The following SLC36A1 variants were observed in gnomAD, a reference collection of about 807,000 sequenced individuals.
The protein encoded by SLC36A1 is solute carrier family 36 member 1, also known as proton-coupled amino acid transporter 1.
SLC36A1 carries 30 observed loss-of-function variants against 47.5 expected under a neutral mutation model. The observed-to-expected ratio is 0.63, with a 90% CI of 0.47 to 0.86. The LOEUF (loss-of-function observed/expected upper bound fraction) is 0.86, where lower values mean the gene tolerates loss of function less well. Ranked by LOEUF, SLC36A1 falls within the 40% of genes least tolerant of loss-of-function variation. SLC36A1 has a pLI of 0.00. For missense variants in SLC36A1, 517 were observed against 606.0 expected, an observed-to-expected ratio of 0.85 and a Z score of 1.54; for synonymous variants, 255 against 249.7, an observed-to-expected ratio of 1.02 and a Z score of -0.20.
the SLC36A1 span, among the ~76,000 whole-genome samples, chr5:151,404,224 A>C: frequency 1.3e-5 from 2 of 152,168 alleles, no homozygotes; most frequent in Non-Finnish European, 2.9e-5. Flanking sequence ...ATCTGATATT[A>C]GAACAGTGAT....
At chr5:151,386,393 T>C in the SLC36A1 span, among the ~76,000 whole-genome samples, 3 of 152,194 alleles carry the variant, frequency 2.0e-5, no homozygotes, top group African/African-American at 7.2e-5. Context: ...ACTTTTAGTA[T>C]TTGAAGATAA....
the SLC36A1 span, among the ~76,000 whole-genome samples, chr5:151,498,282 C>T: frequency 6.6e-6 from 1 of 152,190 alleles, no homozygotes; most frequent in East Asian, 1.9e-4. Flanking sequence ...GGCCATGGAA[C>T]AAAGGAAAGT....
chr5:151,401,561 A>T, the SLC36A1 span, among the ~76,000 whole-genome samples: 10 of 152,158 alleles, frequency 6.6e-5, no homozygotes, highest in Admixed American at 2.0e-4. Flanking sequence ...ATTCTGTGAA[A>T]AATAAAATTT....
the SLC36A1 span, among the ~76,000 whole-genome samples, chr5:151,361,849 C>T: frequency 6.6e-6 from 1 of 152,062 alleles, no homozygotes; most frequent in African/African-American, 2.4e-5. Flanking sequence ...AAGTAGTATT[C>T]TTGGATGACA....
At chr5:151,545,374 A>G in the SLC36A1 span, 2 of 1,614,148 alleles carry the variant, frequency 1.2e-6, no homozygotes, top group South Asian at 2.2e-5. Flanking sequence ...GACAGGATGG[A>G]TGGTAACAGC....
intron 9 of SLC36A1, 112 bp from the exon 10 acceptor site, chr5:151,479,208 G>T (rs763754531): frequency 1.0e-5 from 12 of 1,178,218 alleles, no homozygotes; most frequent in Non-Finnish European, 1.2e-5. Flanking sequence ...GGACATGTGG[G>T]TTTGTATCCT....
At chr5:151,470,817 A>G (rs1329834196) in intron 7 of SLC36A1, 1 of 152,212 alleles carries the variant, frequency 6.6e-6, no homozygotes, top group Non-Finnish European at 1.5e-5. Flanking sequence ...CCCCTCATGC[A>G]CGTGCCATTG....
chr5:151,516,466 A>C, the SLC36A1 span, among the ~76,000 whole-genome samples: 1 of 152,198 alleles, frequency 6.6e-6, no homozygotes. Flanking sequence ...CAGTGAGCTG[A>C]GATCATGCCA....
At chr5:151,344,998 C>T in the SLC36A1 span, among the ~76,000 whole-genome samples, 1 of 152,134 alleles carries the variant, frequency 6.6e-6, no homozygotes, top group Non-Finnish European at 1.5e-5. Context: ...GGCATCAAGG[C>T]TGGAGAGTGC....
chr5:151,496,375 A>T (rs1760342004), downstream of SLC36A1, among the ~76,000 whole-genome samples: 1 of 152,334 alleles, frequency 6.6e-6, no homozygotes, highest in Non-Finnish European at 1.5e-5. Flanking sequence ...TATGTCTGGT[A>T]TGTCTTTATC....
chr5:151,522,512 A>G, the SLC36A1 span, among the ~76,000 whole-genome samples: 4 of 152,206 alleles, frequency 2.6e-5, no homozygotes, highest in Non-Finnish European at 4.4e-5. Context: ...TCCCCTTGGG[A>G]TTCCCTTTTG....
the SLC36A1 span, among the ~76,000 whole-genome samples, chr5:151,518,018 A>G: frequency 6.6e-6 from 1 of 152,276 alleles, no homozygotes; most frequent in Admixed American, 6.5e-5. Context: ...GTCAAGAAAT[A>G]TGAATTTAAA....
chr5:151,492,826 G>C (rs1760221015), downstream of SLC36A1, among the ~76,000 whole-genome samples: 3 of 152,208 alleles, frequency 2.0e-5, no homozygotes, highest in African/African-American at 7.2e-5. Context: ...CATCCAATCA[G>C]TATAAAGGCC....
the SLC36A1 span, among the ~76,000 whole-genome samples, chr5:151,375,975 AT>A: frequency 2.6e-5 from 4 of 152,222 alleles, no homozygotes; most frequent in Admixed American, 2.0e-4. Flanking sequence ...TCCCAGTTGT[AT>A]GCCTTTATTT....
chr5:151,509,903 T>G, the SLC36A1 span: 1 of 1,235,326 alleles, frequency 8.1e-7, no homozygotes. Context: ...GGAAAAGGCC[T>G]AGAAGCCAGG....
chr5:151,472,997 G>A (rs894500869), intron 7 of SLC36A1, among the ~76,000 whole-genome samples: 8 of 152,090 alleles, frequency 5.3e-5, no homozygotes, highest in African/African-American at 1.7e-4. Context: ...GTGAAGCCCT[G>A]TCTCTACCAA....
chr5:151,545,456 G>C, the SLC36A1 span: 1 of 1,614,180 alleles, frequency 6.2e-7, no homozygotes. Context: ...ACCATGAGAA[G>C]CTCCATGCCT....
chr5:151,378,960 A>G, the SLC36A1 span, among the ~76,000 whole-genome samples: 2 of 152,232 alleles, frequency 1.3e-5, no homozygotes, highest in African/African-American at 4.8e-5. Flanking sequence ...AAGAGAGGAG[A>G]TGTGTGGCCT....
intron 9 of SLC36A1, among the ~76,000 whole-genome samples, chr5:151,478,934 C>T (rs1758442055): frequency 6.6e-6 from 1 of 152,054 alleles, no homozygotes; most frequent in African/African-American, 2.4e-5. Flanking sequence ...TAGTGATATG[C>T]TATATCATGT....
Sources: allele counts gnomAD v4.1 joint callset (sites outside exome capture counted in the v4.1 genomes callset), GRCh38; gene constraint gnomAD v4.1.1; transcripts MANE v1.5; gene names NCBI Gene and HGNC (gene_info 2026-07-23, HGNC 2026-07-21).